The following DARS1 variants were observed in gnomAD, a reference collection of about 807,000 sequenced individuals.
DARS1 encodes aspartate--tRNA ligase, cytoplasmic.
In DARS1, 51 loss-of-function variants were observed where a neutral mutation model predicts 68.8. The observed-to-expected ratio is 0.74, with a 90% CI of 0.59 to 0.94. DARS1 has a LOEUF of 0.94. DARS1 is among the 40% of genes least tolerant of loss of function. The probability of loss-of-function intolerance (pLI) is 0.00; values close to 1 mark genes in which losing one functional copy is unlikely to be tolerated. For synonymous variants in DARS1, 203 were observed against 190.4 expected (o/e 1.07, Z -0.55); for missense variants, 607 against 597.3 (o/e 1.02, Z -0.17).
At position 135,912,516 on chromosome 2, in the gene DARS1, A is replaced by G; in HGVS notation, c.1200T>C (p.Pro400=). Residue 400 remains proline, a synonymous_variant, in exon 13 of 16, where the codon CCT becomes CCC. Coordinates refer to ENST00000264161, the MANE Select transcript of DARS1 (RefSeq NM_001349.4). ...TTCTTGGGTCAGGCATGGTATAGAA[A>G]GGTCTTACAGCCAATGGATATTTAT... ...ILDKYPLAVR[P]FYTMPDPRNP... 3 of 1,130,644 alleles carry G rather than the reference A, an allele frequency of 2.7e-6. No homozygotes were observed. The highest frequency in any genetic ancestry group is 2.7e-6 in the Non-Finnish European group (2 of 753,642). 70.0% of individuals were successfully genotyped at this position (1,130,644 alleles called of 1,614,324 possible).
chr2:135,933,829 A>T (rs565805151), intron 6 of DARS1, 81 bp downstream of exon 6: 2 of 1,416,320 alleles, frequency 1.4e-6, no homozygotes, highest in East Asian at 2.6e-5. Flanking sequence ...ATTCACAGAC[A>T]CCCTTAGTAC....
chr2:135,958,716 G>C (rs1488403168), intron 4 of DARS1, among the ~76,000 whole-genome samples: 1 of 151,918 alleles, frequency 6.6e-6, no homozygotes, highest in Non-Finnish European at 1.5e-5. Context: ...TTCCTTTTTC[G>C]CAAGATAGCA....
chr2:135,939,339 C>T (rs1387358008), intron 5 of DARS1, among the ~76,000 whole-genome samples: 1 of 152,158 alleles, frequency 6.6e-6, no homozygotes, highest in African/African-American at 2.4e-5. Flanking sequence ...CAAACTAGAA[C>T]TCAGGATTAA....
At chr2:135,913,108 AC>A (rs1465885875) in intron 12 of DARS1, among the ~76,000 whole-genome samples, 1 of 150,698 alleles carries the variant, frequency 6.6e-6, no homozygotes, top group Non-Finnish European at 1.5e-5. Flanking sequence ...TCTAAATTAC[AC>A]TTTGATAAAC....
chr2:135,963,985 TGA>T (rs1682158943), intron 3 of DARS1, among the ~76,000 whole-genome samples: 1 of 152,150 alleles, frequency 6.6e-6, no homozygotes, highest in Non-Finnish European at 1.5e-5. Context: ...CTGGCCTTAA[TGA>T]CTATTATTAG....
In DARS1 at chr2:135,907,406, T is replaced by A. The variant is rs1259151590; in HGVS notation, c.1416A>T (p.Gly472=). 2 of 1,607,542 alleles carry A rather than the reference T, an allele frequency of 1.2e-6. No individual in the cohort carries two copies. Among genetic ancestry groups the A allele is most frequent in the Non-Finnish European group, 1.7e-6 (2 of 1,175,942 alleles). ...GAAACAGCATAGTAACTCGTTCCAATCCTGGGGAAGACAAAAATAATCATT... is the reference window on the plus strand; with the variant it reads ...GAAACAGCATAGTAACTCGTTCCAAACCTGGGGAAGACAAAAATAATCATT... ...GAPPHAGGGI[G]LERVTMLFLG... is the part of the protein sequence containing the mutation. Residue 472 remains glycine (G), a splice_region_variant and synonymous_variant, in exon 16 of 16, where the codon GGA becomes GGT. Transcript: ENST00000264161.
In DARS1 at chr2:135,914,709, G is replaced by A. The variant is rs1226432440; in HGVS notation, c.1107-198C>T. 9.6e-6 allele frequency: 5 copies of A among 520,614 alleles called. No individual in the cohort carries two copies. In the East Asian group the frequency reaches 1.5e-4, roughly 16 times the overall value. The allele number at this position is 520,614 out of a possible 1,614,324, so 32.2% of individuals were successfully genotyped here. ...GTATACCTTGGTACAGTGACTCAGT[G>A]CTTAGTAGATGCTGCTCAAATATTT... is the stretch of plus-strand genomic sequence containing the variant. On this transcript the variant is annotated intron_variant, in intron 11 of 15. Coordinates refer to ENST00000264161, the MANE Select transcript of DARS1 (RefSeq NM_001349.4).
intron 3 of DARS1, among the ~76,000 whole-genome samples, chr2:135,975,469 A>G (rs1252050472): frequency 1.3e-5 from 2 of 152,014 alleles, no homozygotes; most frequent in African/African-American, 4.8e-5. Context: ...ACACACATAT[A>G]CACTCACATT....
chr2:135,955,209 G>A (rs998593232), intron 4 of DARS1, among the ~76,000 whole-genome samples: 1 of 149,648 alleles, frequency 6.7e-6, no homozygotes, highest in African/African-American at 2.5e-5. Flanking sequence ...TTCCATTTGC[G>A]TATTTATATA....
chr2:135,973,629 T>C (rs1170314247), intron 3 of DARS1, among the ~76,000 whole-genome samples: 1 of 151,990 alleles, frequency 6.6e-6, no homozygotes, highest in Non-Finnish European at 1.5e-5. Context: ...CTGAGGTGGA[T>C]AGATAGCTTG....
At chr2:135,933,577 T>C (rs1681400665) in intron 6 of DARS1, among the ~76,000 whole-genome samples, 1 of 152,162 alleles carries the variant, frequency 6.6e-6, no homozygotes, top group Non-Finnish European at 1.5e-5. Flanking sequence ...TTAGCTTCAT[T>C]ATTTACATAA....
chr2:135,912,438 A>C (rs1680916045), intron 13 of DARS1, 48 bp downstream of exon 13: 1 of 738,598 alleles, frequency 1.4e-6, no homozygotes, highest in Admixed American at 2.4e-5. Context: ...GTGACAATAA[A>C]ATTTCCCTTC....
intron 2 of DARS1, among the ~76,000 whole-genome samples, chr2:135,981,023 T>C (rs1450490361): frequency 2.0e-5 from 3 of 152,286 alleles, no homozygotes; most frequent in Non-Finnish European, 2.9e-5. Flanking sequence ...TTAAGAGTCA[T>C]GGGCATCAGA....
At chr2:135,969,836 G>A (rs771081357) in intron 3 of DARS1, among the ~76,000 whole-genome samples, 59 of 152,032 alleles carry the variant, frequency 3.9e-4, no homozygotes, top group Non-Finnish European at 7.8e-4. Flanking sequence ...GTTTCTTCAC[G>A]CTTATGGTCA....
At chr2:135,935,555 C>A (rs1681450104) in intron 5 of DARS1, among the ~76,000 whole-genome samples, 1 of 152,062 alleles carries the variant, frequency 6.6e-6, no homozygotes, top group African/African-American at 2.4e-5. Context: ...AGCCGAGATC[C>A]CGCCGCTGCA....
rs1575391241 is a variant in DARS1 at position 135,934,064 on chromosome 2, A to G, written c.424-74T>C. 3.9e-6 allele frequency: 6 copies of G among 1,557,268 alleles called. No homozygotes were observed. In the East Asian group the frequency reaches 9.3e-5, roughly 24 times the overall value. On this transcript the variant is annotated intron_variant, in intron 5 of 15. Transcript: ENST00000264161. The stretch of plus-strand genomic sequence containing the variant: ...ATCTTTTTCTTAAAAAACAATCTAC[A>G]GTTGACTTAAGCATGAAGCAATGTT...
At chr2:135,974,143 T>C (rs1682446846) in intron 3 of DARS1, among the ~76,000 whole-genome samples, 1 of 152,242 alleles carries the variant, frequency 6.6e-6, no homozygotes, top group South Asian at 2.1e-4. Context: ...GGGACGCTTA[T>C]TTACAGTATG....
chr2:135,932,830 T>G lies in DARS1; in HGVS notation c.517A>C (p.Thr173Pro). Residue 173 changes from threonine to proline, a missense_variant, in exon 7 of 16, where the codon ACT becomes CCT. Thr to Pro is a conservative substitution (Grantham distance 38). Coordinates refer to ENST00000264161, the MANE Select transcript of DARS1 (RefSeq NM_001349.4). Reference sequence around the variant, plus strand: ...TCTAATCTTGTATCCTGGTTAACAGTAGCTCTTCCTTCCTAAAAAAAAAAA... The same window carrying G: ...TCTAATCTTGTATCCTGGTTAACAGGAGCTCTTCCTTCCTAAAAAAAAAAA... The part of the protein sequence containing the change: ...EAEGEEEGRA[T>P]VNQDTRLDNR... 7.7e-7 allele frequency: 1 copy of G among 1,301,680 alleles called. No individual in the cohort carries two copies. The highest frequency in any genetic ancestry group is 1.1e-6 in the Non-Finnish European group (1 of 919,240). The allele number at this position is 1,301,680 out of a possible 1,614,324, so 80.6% of individuals were successfully genotyped here.
At chr2:135,977,152 C>T (rs958357320) in intron 3 of DARS1, among the ~76,000 whole-genome samples, 1 of 152,160 alleles carries the variant, frequency 6.6e-6, no homozygotes, top group Non-Finnish European at 1.5e-5. Flanking sequence ...ACTCAATTAT[C>T]GAAGGCTTAC....
Sources: gnomAD v4.1 joint callset for allele counts (sites outside exome capture counted in the v4.1 genomes callset) on GRCh38, gnomAD v4.1.1 for gene constraint, MANE v1.5 for transcripts, NCBI Gene and HGNC (gene_info 2026-07-23, HGNC 2026-07-21) for gene names.